GLG1: variants seen among roughly 807,000 people sequenced by gnomAD.
GLG1 encodes golgi glycoprotein 1.
Under a neutral mutation model 160.5 loss-of-function variants are expected in GLG1, and 38 were observed. The observed-to-expected ratio is 0.24, with a 90% CI of 0.18 to 0.31. GLG1 has a LOEUF of 0.31. Ranked by LOEUF, GLG1 falls within the 10% of genes least tolerant of loss-of-function variation. The pLI is 1.00. For missense variants in GLG1, 1,373 were observed against 1,505.2 expected, an observed-to-expected ratio of 0.91 and a Z score of 1.45; for synonymous variants, 644 against 543.4, an observed-to-expected ratio of 1.19 and a Z score of -2.57.
intron 2 of GLG1, among the ~76,000 whole-genome samples, chr16:74,525,273 G>A (rs1190630448): frequency 6.6e-6 from 1 of 152,122 alleles, no homozygotes; most frequent in Non-Finnish European, 1.5e-5. Context: ...AATTTCTCTA[G>A]ACTCACACCA....
intron 1 of GLG1, among the ~76,000 whole-genome samples, chr16:74,601,890 C>G (rs531556521): frequency 5.3e-5 from 8 of 152,166 alleles, no homozygotes; most frequent in Non-Finnish European, 8.8e-5. Flanking sequence ...TCAAAAAGGA[C>G]TTCCTGAACA....
intron 1 of GLG1, among the ~76,000 whole-genome samples, chr16:74,577,493 C>G (rs547470200): frequency 4.7e-5 from 7 of 148,648 alleles, no homozygotes; most frequent in Admixed American, 3.4e-4. Context: ...TTGCACTCCA[C>G]CCTGAGAAAC....
intron 2 of GLG1, among the ~76,000 whole-genome samples, chr16:74,520,271 C>G (rs1567499656): frequency 6.6e-6 from 1 of 152,178 alleles, no homozygotes; most frequent in South Asian, 2.1e-4. Flanking sequence ...TCATTAGTCA[C>G]TGGGTTCTTA....
At chr16:74,489,427 C>T (rs112039699) in intron 8 of GLG1, among the ~76,000 whole-genome samples, 19,162 of 151,446 alleles carry the variant, frequency 0.13, 1,646 homozygotes, top group Admixed American at 0.24. Context: ...GCAGAGGTTG[C>T]GCCATTACAC....
intron 1 of GLG1, among the ~76,000 whole-genome samples, chr16:74,590,483 T>C (rs1958150563): frequency 1.3e-5 from 2 of 150,696 alleles, no homozygotes; most frequent in African/African-American, 2.4e-5. Flanking sequence ...TAGCCAGGCG[T>C]AGTGGCGGGC....
rs548824764 is a variant in GLG1 at position 74,535,281 on chromosome 16, T to C, written c.439-3128A>G. Among the ~76,000 whole-genome samples the C allele has an allele frequency of 6.6e-5, 10 of 152,366 alleles. No individual in the cohort carries two copies. In the South Asian group the frequency reaches 1.9e-3, roughly 28 times the overall value. ...TATGATCTAAAATTAGTGAATTATA[T>C]TGGAAAGCACAGAGCACTACTGTAC... On this transcript the variant is annotated intron_variant, in intron 1 of 25. Coordinates refer to ENST00000422840, the MANE Select transcript of GLG1 (RefSeq NM_001145667.2).
Position 74,496,469 on chromosome 16 carries a change from C to T in GLG1, c.950G>A (p.Arg317Gln), listed in dbSNP as rs757384037. The change falls in exon 5 of 26, where the codon CGA (arginine) becomes CAA (glutamine). Residue 317 changes from arginine (R) to glutamine (Q), a missense_variant. By Grantham distance (43) the Arg-to-Gln change is conservative. This residue lies in a region of GLG1 where 174 missense variants were observed against 229.9 expected (regional missense o/e 0.76). Coordinates refer to ENST00000422840, the MANE Select transcript of GLG1 (RefSeq NM_001145667.2). Reference sequence around the variant, plus strand: ...TTCACAAAAACGCTCCCGATCATCTCGGCAAGCAAAATATAAATGCCGGTC... The same window carrying T: ...TTCACAAAAACGCTCCCGATCATCTTGGCAAGCAAAATATAAATGCCGGTC... The part of the protein sequence containing the change: ...HLDRHLYFAC[R>Q]DDRERFCENT... 13 of 1,613,606 alleles carry T rather than the reference C, an allele frequency of 8.1e-6. No individual in the cohort carries two copies. The highest frequency in any genetic ancestry group is 2.7e-5 in the African/African-American group (2 of 74,896).
chr16:74,590,988 G>A (rs1265088021), intron 1 of GLG1, among the ~76,000 whole-genome samples: 1 of 151,642 alleles, frequency 6.6e-6, no homozygotes, highest in Non-Finnish European at 1.5e-5. Flanking sequence ...TGAAAATGAA[G>A]TTGTGGATTT....
At chr16:74,542,706 AAGGG>A (rs1414779141) in intron 1 of GLG1, among the ~76,000 whole-genome samples, 2 of 40,526 alleles carry the variant, frequency 4.9e-5, no homozygotes, top group African/African-American at 2.0e-4. Flanking sequence ...GGGAGGGAGG[AAGGG>A]AAGAAGGGAA....
At chr16:74,529,616 T>C (rs1320862073) in intron 2 of GLG1, among the ~76,000 whole-genome samples, 3 of 152,064 alleles carry the variant, frequency 2.0e-5, no homozygotes, top group Non-Finnish European at 2.9e-5. Context: ...TCTTCTCATA[T>C]CCAGCCATTT....
intron 4 of GLG1, among the ~76,000 whole-genome samples, chr16:74,497,286 T>TAA (rs1362696448): frequency 6.2e-5 from 2 of 32,222 alleles, no homozygotes; most frequent in Non-Finnish European, 6.9e-5. Flanking sequence ...AGAAACTCTG[T>TAA]AAAAAAAACA....
chr16:74,468,092 C>G (rs2015064966), intron 17 of GLG1: 2 of 414,080 alleles, frequency 4.8e-6, no homozygotes, highest in Non-Finnish European at 8.5e-6. Context: ...TAGTCCTTCA[C>G]AGGACTGCTG....
chr16:74,543,498 T>G (rs1226976796), intron 1 of GLG1, among the ~76,000 whole-genome samples: 2 of 152,084 alleles, frequency 1.3e-5, no homozygotes, highest in East Asian at 3.9e-4. Context: ...GACAAAAAAC[T>G]GAAATCTTCT....
At chr16:74,492,344 T>G (rs1252046260) in intron 7 of GLG1, among the ~76,000 whole-genome samples, 3 of 145,328 alleles carry the variant, frequency 2.1e-5, no homozygotes, top group South Asian at 2.2e-4. Flanking sequence ...TACAGCCTGG[T>G]GACAAAGCGA....
intron 1 of GLG1, among the ~76,000 whole-genome samples, chr16:74,566,246 C>A (rs550122132): frequency 6.6e-6 from 1 of 152,300 alleles, no homozygotes; most frequent in South Asian, 2.1e-4. Flanking sequence ...CTCAGCCCAT[C>A]ATCAAGAAAG....
chr16:74,455,496 C>T (rs565169393), intron 25 of GLG1, among the ~76,000 whole-genome samples: 19 of 152,312 alleles, frequency 1.2e-4, no homozygotes, highest in African/African-American at 4.1e-4. Context: ...CCTGAGCCAC[C>T]GGCTTTAAAG....
intron 13 of GLG1, among the ~76,000 whole-genome samples, chr16:74,473,415 T>C (rs1174849404): frequency 6.6e-6 from 1 of 150,380 alleles, no homozygotes; most frequent in Non-Finnish European, 1.5e-5. Flanking sequence ...GGTTTCACCA[T>C]GTTGGCCAGG....
At chr16:74,509,164 T>C (rs1191163715) in intron 2 of GLG1, among the ~76,000 whole-genome samples, 1 of 20,806 alleles carries the variant, frequency 4.8e-5, no homozygotes, top group East Asian at 6.4e-4. Context: ...TAAAGGACAA[T>C]TTTTTTTTTT....
At chr16:74,529,888 T>C (rs2017477301) in intron 2 of GLG1, among the ~76,000 whole-genome samples, 1 of 130,656 alleles carries the variant, frequency 7.7e-6, no homozygotes, top group Admixed American at 9.7e-5. Flanking sequence ...ACGATCTCAC[T>C]GCAACTTCTA....
Sources: gnomAD v4.1 joint callset for allele counts (sites outside exome capture counted in the v4.1 genomes callset) on GRCh38, gnomAD v4.1.1 for gene constraint, gnomAD v4.1.1 regional missense constraint, MANE v1.5 for transcripts, NCBI Gene and HGNC (gene_info 2026-07-23, HGNC 2026-07-21) for gene names.